The following MYH7B variants were observed in gnomAD, a reference collection of about 807,000 sequenced individuals.
The protein encoded by MYH7B is myosin heavy chain 7B.
A neutral mutation model predicts 234.5 loss-of-function variants in MYH7B; 205 were observed. That is an observed-to-expected ratio of 0.87 (90% CI 0.78 to 0.98). The LOEUF is 0.98. MYH7B is among the 50% of genes least tolerant of loss of function. The pLI is 0.00. For synonymous variants in MYH7B, 1,193 were observed against 1,105.0 expected, an observed-to-expected ratio of 1.08 and a Z score of -1.58; for missense variants, 2,652 against 2,633.4, an observed-to-expected ratio of 1.01 and a Z score of -0.15.
rs1483318582 is a variant in MYH7B at position 34,997,460 on chromosome 20, GCTGCGGCACGAGGCCACAGTGGCGGCA to G, written c.3575_3601del (p.His1192_Arg1200del). The G allele has an allele frequency of 2.7e-5, 40 of 1,496,294 alleles. No homozygotes were observed. The highest frequency in any genetic ancestry group is 1.1e-4 in the East Asian group (4 of 37,974). The allele number at this position is 1,496,294 out of a possible 1,614,324, so 92.7% of individuals were successfully genotyped here. ...TGCGGCGGGAGCTGGAGGAGGCGGC[GCTGCGGCACGAGGCCACAGTGGCGGCA>G]CTGCGGCGCAAGCAGGCGGAGGGCG... On this transcript the variant is annotated inframe_deletion, in exon 32 of 45. Transcript: ENST00000262873.
At chr20:34,967,160 C>T (rs1465394078) in intron 2 of MYH7B, among the ~76,000 whole-genome samples, 5 of 151,388 alleles carry the variant, frequency 3.3e-5, no homozygotes, top group African/African-American at 7.3e-5. Flanking sequence ...ACCCAGGAGG[C>T]GGAGGTTGTA....
At chr20:34,980,832 T>C in intron 8 of MYH7B, 98 bp downstream of exon 8, 1 of 1,527,904 alleles carries the variant, frequency 6.5e-7, no homozygotes, top group Non-Finnish European at 8.9e-7. Context: ...ACTGCCCCCC[T>C]TTTGACGCTG....
At chr20:34,997,772 A>T in intron 32 of MYH7B, 132 bp downstream of exon 32, 1 of 1,130,796 alleles carries the variant, frequency 8.8e-7, no homozygotes, top group Non-Finnish European at 1.2e-6. Flanking sequence ...CCTGGTACAC[A>T]ACCCTCATTT....
At chr20:35,001,152 G>C in exon 41 of MYH7B, 1 of 1,613,710 alleles carries the variant, frequency 6.2e-7, no homozygotes, top group Non-Finnish European at 8.5e-7. Context: ...AGAAGCTGGA[G>C]GCCAAGGTGT....
intron 10 of MYH7B, among the ~76,000 whole-genome samples, chr20:34,982,853 A>C (rs1160712352): frequency 6.6e-6 from 1 of 152,198 alleles, no homozygotes; most frequent in Non-Finnish European, 1.5e-5. Flanking sequence ...TCATATATTG[A>C]AAGAGTTTAC....
At chr20:34,999,327 C>A in exon 36 of MYH7B, 15 of 1,567,698 alleles carry the variant, frequency 9.6e-6, no homozygotes, top group Non-Finnish European at 1.2e-5. Flanking sequence ...GGGCACCGAG[C>A]TCTTCCGGCT....
chr20:34,959,665 G>T (rs1463093856), intron 2 of MYH7B, among the ~76,000 whole-genome samples: 1 of 152,006 alleles, frequency 6.6e-6, no homozygotes, highest in Non-Finnish European at 1.5e-5. Flanking sequence ...TTTTAGTGGA[G>T]ACAGGGTTTC....
exon 31 of MYH7B, chr20:34,997,104 G>C (rs1251050181): frequency 2.6e-6 from 4 of 1,548,682 alleles, no homozygotes; most frequent in East Asian, 2.4e-5. Flanking sequence ...AGCTGAGCCA[G>C]CTGAGCCTGC....
intron 14 of MYH7B, 57 bp downstream of exon 14, chr20:34,986,255 G>A (rs113314898): frequency 2.2e-5 from 30 of 1,391,328 alleles, no homozygotes; most frequent in African/African-American, 1.9e-4. Context: ...GCTGCCTGGC[G>A]CTTCCTGGCC....
chr20:35,000,818 G>C (rs780095658), exon 40 of MYH7B: 1 of 1,613,824 alleles, frequency 6.2e-7, no homozygotes, highest in Admixed American at 1.7e-5. Flanking sequence ...ACTTGGCCCA[G>C]CTGAGCGGGG....
chr20:34,993,559 C>T lies in MYH7B; in HGVS notation c.2444+89C>T, dbSNP rs2082197595. 5 of 1,369,444 alleles carry T rather than the reference C, an allele frequency of 3.7e-6. No homozygotes were observed. The South Asian group carries it at 7.4e-5, about 20-fold the overall frequency. 84.8% of individuals were successfully genotyped at this position (1,369,444 alleles called of 1,614,324 possible). ...GGCTCTCCCAACCCTAACATGCTGC[C>T]CTGTAGTCAGATCAGCCCCTGTGGC... On this transcript the variant is annotated intron_variant, in intron 26 of 44. Transcript: ENST00000262873.
At chr20:34,993,394 A>G (rs1165797039) in exon 26 of MYH7B, 8 of 1,613,550 alleles carry the variant, frequency 5.0e-6, no homozygotes, top group Non-Finnish European at 6.8e-6. Flanking sequence ...GCGCCTGGCC[A>G]AGGTGCTGAC....
chr20:34,955,884 C>T (rs2081626653), exon 1 of MYH7B: 1 of 152,416 alleles, frequency 6.6e-6, no homozygotes, highest in African/African-American at 2.4e-5. Flanking sequence ...GGCGCTGAGT[C>T]GAGGCCAGGA....
At chr20:34,987,616 T>C (rs1480926267) in exon 17 of MYH7B, 1 of 1,613,916 alleles carries the variant, frequency 6.2e-7, no homozygotes, top group African/African-American at 1.3e-5. Context: ...CAAAGGCCTT[T>C]TGCACCCCCG....
chr20:34,958,428 A>G, intron 2 of MYH7B, among the ~76,000 whole-genome samples: 1 of 152,056 alleles, frequency 6.6e-6, no homozygotes, highest in East Asian at 1.9e-4. Flanking sequence ...CAGATGTTTC[A>G]TCCCTGGAGG....
At chr20:34,977,513 C>A in intron 3 of MYH7B, 119 bp from the exon 4 acceptor site, 2 of 899,204 alleles carry the variant, frequency 2.2e-6, no homozygotes, top group Non-Finnish European at 1.8e-6. Context: ...GTAAAAATAG[C>A]CCAGGGGCCG....
chr20:34,995,658 G>A (rs774136849), intron 28 of MYH7B, 80 bp downstream of exon 28: 94 of 1,574,236 alleles, frequency 6.0e-5, no homozygotes, highest in Admixed American at 8.8e-5. Context: ...GTCCCACCCC[G>A]GCTCTGCTAA....
chr20:34,972,142 C>G (rs564748340), intron 2 of MYH7B, among the ~76,000 whole-genome samples: 82 of 152,316 alleles, frequency 5.4e-4, no homozygotes, highest in Non-Finnish European at 1.0e-3. Context: ...AACTTCAGCT[C>G]ACTCACATTT....
At chr20:34,987,179 G>C in exon 16 of MYH7B, 1 of 1,613,374 alleles carries the variant, frequency 6.2e-7, no homozygotes, top group Non-Finnish European at 8.5e-7. Flanking sequence ...CTTCAGCGTG[G>C]ATGAGAAATG....
Sources: allele counts gnomAD v4.1 joint callset (sites outside exome capture counted in the v4.1 genomes callset), GRCh38; gene constraint gnomAD v4.1.1; transcripts MANE v1.5; gene names NCBI Gene and HGNC (gene_info 2026-07-23, HGNC 2026-07-21).